Variants in ROBO2 observed in about 807,000 individuals in gnomAD.
ROBO2 encodes the protein roundabout guidance receptor 2, also known as roundabout homolog 2.
In ROBO2, 53 loss-of-function variants were observed where a neutral mutation model predicts 160.8. That is an observed-to-expected ratio of 0.33 (90% CI 0.26 to 0.41). The LOEUF is 0.41. ROBO2 is among the 10% of genes least tolerant of loss of function. The pLI, the probability that ROBO2 is intolerant of heterozygous loss-of-function variation, is 1.00. For missense variants in ROBO2, 1,577 were observed against 1,722.4 expected, an observed-to-expected ratio of 0.92 and a Z score of 1.49; for synonymous variants, 664 against 611.7, an observed-to-expected ratio of 1.09 and a Z score of -1.26.
At chr3:76,665,966 AAT>A (rs1388246069) in intron 2 of ROBO2, among the ~76,000 whole-genome samples, 4 of 140,986 alleles carry the variant, frequency 2.8e-5, no homozygotes, top group African/African-American at 5.2e-5. Flanking sequence ...ATATACATAT[AAT>A]ATATATAATA....
intron 2 of ROBO2, among the ~76,000 whole-genome samples, chr3:75,978,125 T>C (rs747335903): frequency 2.6e-5 from 4 of 151,616 alleles, no homozygotes; most frequent in Non-Finnish European, 5.9e-5. Context: ...TATTAAATTT[T>C]ACCATCATAA....
intron 2 of ROBO2, among the ~76,000 whole-genome samples, chr3:77,329,564 A>T (rs1199369645): frequency 2.0e-5 from 3 of 152,206 alleles, no homozygotes; most frequent in Non-Finnish European, 2.9e-5. Flanking sequence ...AAGAAATTCC[A>T]AAACAAAGAG....
intron 2 of ROBO2, chr3:77,316,633 G>A (rs2153426947): frequency 1.7e-6 from 1 of 595,406 alleles, no homozygotes; most frequent in Middle Eastern, 4.8e-4. Context: ...CTTTAACCTT[G>A]AGGTCTAACA....
At chr3:76,786,580 T>C (rs892013081) in intron 2 of ROBO2, among the ~76,000 whole-genome samples, 1 of 151,220 alleles carries the variant, frequency 6.6e-6, no homozygotes, top group African/African-American at 2.4e-5. Context: ...TGGAAACCAC[T>C]CCCATGATTC....
chr3:75,942,539 C>T (rs1948103490), intron 2 of ROBO2, among the ~76,000 whole-genome samples: 2 of 152,008 alleles, frequency 1.3e-5, no homozygotes, highest in African/African-American at 4.8e-5. Flanking sequence ...AATTATGTTA[C>T]CTAGGTCATT....
At chr3:76,675,054 G>A (rs180713383) in intron 2 of ROBO2, among the ~76,000 whole-genome samples, 2 of 152,268 alleles carry the variant, frequency 1.3e-5, no homozygotes, top group East Asian at 3.9e-4. Context: ...AGAAGTAGGA[G>A]AGGGCTGAAA....
chr3:77,425,261 T>C (rs2078080469), intron 2 of ROBO2, among the ~76,000 whole-genome samples: 1 of 151,458 alleles, frequency 6.6e-6, no homozygotes, highest in Non-Finnish European at 1.5e-5. Flanking sequence ...TAAGGAGATA[T>C]ATAATAATTA....
chr3:76,772,545 G>A (rs547449325), intron 2 of ROBO2, among the ~76,000 whole-genome samples: 6 of 143,032 alleles, frequency 4.2e-5, no homozygotes, highest in Middle Eastern at 3.5e-3. Context: ...TTGAAAATCC[G>A]TGTTAAGAAA....
intron 2 of ROBO2, among the ~76,000 whole-genome samples, chr3:76,381,034 T>TA (rs57061903): frequency 0.12 from 12,611 of 105,380 alleles, 1,320 homozygotes; most frequent in African/African-American, 0.29. Flanking sequence ...GTGAGCGGAC[T>TA]AAAAAAAAAA....
chr3:77,586,265 T>C (rs2094045573), intron 16 of ROBO2, among the ~76,000 whole-genome samples: 2 of 152,142 alleles, frequency 1.3e-5, no homozygotes, highest in Admixed American at 1.3e-4. Context: ...ATAACCAATT[T>C]ACATTGACTT....
intron 2 of ROBO2, among the ~76,000 whole-genome samples, chr3:76,192,528 A>ACC (rs1344634999): frequency 8.2e-5 from 4 of 48,558 alleles, no homozygotes; most frequent in African/African-American, 3.0e-4. Context: ...ACTCCACCAC[A>ACC]CACACACACA....
intron 2 of ROBO2, among the ~76,000 whole-genome samples, chr3:77,248,987 C>T (rs2090058318): frequency 6.6e-6 from 1 of 152,120 alleles, no homozygotes; most frequent in African/African-American, 2.4e-5. Flanking sequence ...AAGCGATCCT[C>T]CTGCCTCAGC....
At chr3:76,262,170 C>T (rs1706810697) in intron 2 of ROBO2, among the ~76,000 whole-genome samples, 1 of 151,976 alleles carries the variant, frequency 6.6e-6, no homozygotes, top group Non-Finnish European at 1.5e-5. Flanking sequence ...TTTTATACTT[C>T]AGTAAACTAG....
At chr3:77,456,865 G>A (rs9309769) in intron 2 of ROBO2, among the ~76,000 whole-genome samples, 17,569 of 152,172 alleles carry the variant, frequency 0.12, 1,256 homozygotes, top group East Asian at 0.27. Context: ...ACACAACTCA[G>A]GGTCACAGTG....
At chr3:76,803,429 A>G (rs1444397616) in intron 2 of ROBO2, among the ~76,000 whole-genome samples, 27 of 142,554 alleles carry the variant, frequency 1.9e-4, no homozygotes, top group Middle Eastern at 3.5e-3. Flanking sequence ...AGGATACAAA[A>G]GAGGAGGAAG....
At chr3:77,325,788 G>C (rs1466108853) in intron 2 of ROBO2, among the ~76,000 whole-genome samples, 1 of 130,212 alleles carries the variant, frequency 7.7e-6, no homozygotes. Context: ...TAAACTACAT[G>C]CTCATCCAAT....
chr3:76,798,046 A>T (rs532124196), intron 2 of ROBO2, among the ~76,000 whole-genome samples: 2 of 151,346 alleles, frequency 1.3e-5, no homozygotes, highest in Non-Finnish European at 3.0e-5. Flanking sequence ...ATTTTTCCAA[A>T]CTCATTCTAC....
intron 1 of ROBO2, among the ~76,000 whole-genome samples, chr3:77,058,869 T>G (rs1467021268): frequency 1.3e-5 from 2 of 152,104 alleles, no homozygotes; most frequent in Admixed American, 1.3e-4. Context: ...GTTGTTTTAC[T>G]ATTTCCAAGT....
At chr3:76,546,784 C>G (rs1181240788) in intron 2 of ROBO2, among the ~76,000 whole-genome samples, 1 of 151,384 alleles carries the variant, frequency 6.6e-6, no homozygotes, top group South Asian at 2.1e-4. Flanking sequence ...GGAAGTCTAA[C>G]ACGAGTTTTT....
Sources: gnomAD v4.1 joint callset for allele counts (sites outside exome capture counted in the v4.1 genomes callset) on GRCh38, gnomAD v4.1.1 for gene constraint, MANE v1.5 for transcripts, NCBI Gene and HGNC (gene_info 2026-07-23, HGNC 2026-07-21) for gene names.